The following MYO16 variants were observed in gnomAD, a reference collection of about 807,000 sequenced individuals.
MYO16 encodes the protein myosin XVI, also known as unconventional myosin-XVI.
In MYO16, 94 loss-of-function variants were observed where a neutral mutation model predicts 205.3. The ratio of observed to expected loss-of-function variants is 0.46; its 90% CI spans 0.39 to 0.54. MYO16 has a LOEUF of 0.54. Among genes scored for constraint, MYO16 ranks in the 20% least tolerant of loss-of-function variants. MYO16 has a pLI of 0.00. For synonymous variants in MYO16, 988 were observed against 954.0 expected (o/e 1.04, Z -0.66); for missense variants, 2,315 against 2,387.5 (o/e 0.97, Z 0.63).
At chr13:109,120,764 T>C (rs1230156420) in intron 29 of MYO16, among the ~76,000 whole-genome samples, 1 of 152,216 alleles carries the variant, frequency 6.6e-6, no homozygotes, top group Non-Finnish European at 1.5e-5. Flanking sequence ...ATGGGTCTTT[T>C]CATTTTCTGA....
intron 20 of MYO16, among the ~76,000 whole-genome samples, chr13:108,991,874 A>C (rs1037452884): frequency 2.7e-4 from 41 of 152,376 alleles, no homozygotes; most frequent in African/African-American, 9.6e-4. Flanking sequence ...ACATAGTGTT[A>C]CATTTTTAAT....
intron 23 of MYO16, among the ~76,000 whole-genome samples, chr13:109,046,543 A>T (rs1307479957): frequency 3.3e-5 from 5 of 152,216 alleles, no homozygotes; most frequent in Admixed American, 3.3e-4. Flanking sequence ...TAAATTTCTC[A>T]AACTGAAATC....
intron 21 of MYO16, among the ~76,000 whole-genome samples, chr13:108,995,823 T>G (rs1022090353): frequency 6.6e-6 from 1 of 152,226 alleles, no homozygotes; most frequent in African/African-American, 2.4e-5. Flanking sequence ...CCACATTTTC[T>G]TAATCCAGTC....
At chr13:108,984,261 G>A (rs1252755155) in intron 20 of MYO16, among the ~76,000 whole-genome samples, 1 of 152,124 alleles carries the variant, frequency 6.6e-6, no homozygotes, top group African/African-American at 2.4e-5. Context: ...TTTGAAGCCT[G>A]CAAATCAGAA....
chr13:109,206,493 G>A, intron 34 of MYO16, 116 bp from the exon 35 acceptor site: 1 of 743,382 alleles, frequency 1.3e-6, no homozygotes, highest in East Asian at 2.5e-5. Flanking sequence ...TGAGGAAAGA[G>A]GCTGCCTCTT....
rs138609668 is a variant in MYO16, at chr13:109,173,353, C to G, written c.5324-6189C>G. Among the ~76,000 whole-genome samples, 521 of 152,298 alleles carry G rather than the reference C, an allele frequency of 3.4e-3. 2 individuals are homozygous for G. The highest frequency in any genetic ancestry group is 0.012 in the African/African-American group (496 of 41,566). Reference sequence around the variant, plus strand: ...AAATGAATCCCATAAATAATGATTACTCTGTTACTTTCCACATAGATAAAA... The same window carrying G: ...AAATGAATCCCATAAATAATGATTAGTCTGTTACTTTCCACATAGATAAAA... On this transcript the variant is annotated intron_variant, in intron 33 of 34. Coordinates refer to ENST00000457511, the MANE Select transcript of MYO16 (RefSeq NM_001198950.3).
intron 33 of MYO16, among the ~76,000 whole-genome samples, chr13:109,176,171 TGATA>T (rs773777446): frequency 8.5e-5 from 13 of 152,196 alleles, no homozygotes; most frequent in African/African-American, 2.2e-4. Context: ...TGTGTTATTT[TGATA>T]GATAGAATGA....
chr13:108,849,807 C>CT (rs528221198), intron 10 of MYO16, among the ~76,000 whole-genome samples: 5 of 147,048 alleles, frequency 3.4e-5, no homozygotes, highest in Non-Finnish European at 4.5e-5. Context: ...TGAATTTCCT[C>CT]TTTTTTTGTG....
At chr13:108,866,071 T>C (rs1458969643) in intron 11 of MYO16, 106 bp from the exon 12 acceptor site, 4 of 704,866 alleles carry the variant, frequency 5.7e-6, no homozygotes, top group Non-Finnish European at 8.4e-6. Flanking sequence ...GTAGATTTTT[T>C]CTTATTATTT....
At chr13:108,652,710 T>C (rs796802177) in intron 1 of MYO16, among the ~76,000 whole-genome samples, 14 of 152,330 alleles carry the variant, frequency 9.2e-5, no homozygotes, top group African/African-American at 3.4e-4. Context: ...TATCCATCCA[T>C]GTTGTGGCAT....
intron 32 of MYO16, among the ~76,000 whole-genome samples, chr13:109,146,781 G>A (rs1423612865): frequency 2.0e-5 from 3 of 150,680 alleles, no homozygotes; most frequent in Non-Finnish European, 4.4e-5. Context: ...AGACCACAGA[G>A]CAATACACTG....
intron 31 of MYO16, among the ~76,000 whole-genome samples, chr13:109,128,154 G>A (rs995073909): frequency 6.6e-6 from 1 of 152,154 alleles, no homozygotes; most frequent in Admixed American, 6.5e-5. Flanking sequence ...AAAAATAAAG[G>A]AAGTGCTTCT....
intron 23 of MYO16, among the ~76,000 whole-genome samples, chr13:109,044,576 G>A (rs1230397256): frequency 6.6e-6 from 1 of 152,072 alleles, no homozygotes; most frequent in Admixed American, 6.6e-5. Context: ...TAGTATGCCA[G>A]AAGAAATTAT....
chr13:109,136,283 A>C (rs914410973), intron 31 of MYO16, among the ~76,000 whole-genome samples: 1 of 152,056 alleles, frequency 6.6e-6, no homozygotes, highest in African/African-American at 2.4e-5. Context: ...TAGTAGAGAC[A>C]GTTTTCAACA....
chr13:108,611,972 C>CT (rs201871787), intron 1 of MYO16, among the ~76,000 whole-genome samples: 1,505 of 89,746 alleles, frequency 0.017, 11 homozygotes, highest in African/African-American at 0.022. Flanking sequence ...TTTTTTTTTT[C>CT]TTTTTTTTTT....
At chr13:108,935,593 A>G (rs973821175) in intron 16 of MYO16, among the ~76,000 whole-genome samples, 1 of 152,142 alleles carries the variant, frequency 6.6e-6, no homozygotes, top group South Asian at 2.1e-4. Context: ...TTCTTTTCCA[A>G]CTTGAATGCC....
At chr13:108,886,386 G>A in intron 13 of MYO16, 1 of 455,952 alleles carries the variant, frequency 2.2e-6, no homozygotes, top group Admixed American at 2.4e-5. Context: ...GTTGATGCAG[G>A]ATTTTGCTCC....
chr13:108,811,712 C>T (rs528412466), intron 7 of MYO16, among the ~76,000 whole-genome samples: 1 of 152,094 alleles, frequency 6.6e-6, no homozygotes, highest in Admixed American at 6.6e-5. Flanking sequence ...TGGACTGTGT[C>T]GAGATACTTA....
chr13:108,693,036 A>C (rs1232651932), intron 2 of MYO16, among the ~76,000 whole-genome samples: 3 of 152,230 alleles, frequency 2.0e-5, no homozygotes, highest in Non-Finnish European at 2.9e-5. Flanking sequence ...ATTATCCCCA[A>C]AGTTGCTGTC....
Sources: allele counts gnomAD v4.1 joint callset (sites outside exome capture counted in the v4.1 genomes callset), GRCh38; gene constraint gnomAD v4.1.1; transcripts MANE v1.5; gene names NCBI Gene and HGNC (gene_info 2026-07-23, HGNC 2026-07-21).